BICRAL: variants seen among roughly 807,000 people sequenced by gnomAD.
BICRAL encodes BRD4-interacting chromatin-remodeling complex-associated protein-like.
Under a neutral mutation model 91.8 loss-of-function variants are expected in BICRAL, and 8 were observed. The ratio of observed to expected loss-of-function variants is 0.09; its 90% CI spans 0.05 to 0.16. BICRAL has a LOEUF of 0.16. Ranked by LOEUF, BICRAL falls within the 10% of genes least tolerant of loss-of-function variation. BICRAL has a pLI of 1.00. For missense variants in BICRAL, 1,038 were observed against 1,310.9 expected (o/e 0.79, Z 3.21); for synonymous variants, 445 against 491.1 (o/e 0.91, Z 1.24).
chr6:42,778,572 T>TA (rs1762834778), upstream of BICRAL, among the ~76,000 whole-genome samples: 1 of 152,228 alleles, frequency 6.6e-6, no homozygotes, highest in African/African-American at 2.4e-5. Flanking sequence ...TGCAATGCCC[T>TA]AAGCTCTTTA....
At chr6:42,862,032 C>G (rs925417399) in intron 11 of BICRAL, among the ~76,000 whole-genome samples, 2 of 150,716 alleles carry the variant, frequency 1.3e-5, no homozygotes, top group Non-Finnish European at 3.0e-5. Context: ...ATAATGCCAC[C>G]AAAGTCTGTA....
intron 1 of BICRAL, among the ~76,000 whole-genome samples, chr6:42,799,434 A>G (rs921115788): frequency 4.0e-5 from 6 of 151,688 alleles, no homozygotes; most frequent in African/African-American, 1.5e-4. Flanking sequence ...GGCTGGGACT[A>G]CAGGCACGTG....
intron 1 of BICRAL, among the ~76,000 whole-genome samples, chr6:42,807,917 G>A (rs962562640): frequency 3.3e-5 from 5 of 152,068 alleles, no homozygotes; most frequent in Middle Eastern, 3.2e-3. Flanking sequence ...CTGGGAAATT[G>A]TAAATTTGTA....
rs34979167 is a variant in BICRAL, at chr6:42,811,623, G to GAAAAA, written c.-6+1234_-6+1238dup. Among the ~76,000 whole-genome samples, 31 of 84,806 alleles carry GAAAAA rather than the reference G, an allele frequency of 3.7e-4. No individual in the cohort carries two copies. The East Asian group carries it at 9.5e-3, about 26-fold the overall frequency. 55.6% of individuals were successfully genotyped at this position (84,806 alleles called of 152,430 possible). A position where few individuals can be genotyped will look rare whatever the true frequency, so the allele number is the denominator to read the frequency against. On this transcript the variant is annotated intron_variant, in intron 2 of 12. Transcript: ENST00000314073. ...TGACAGAGCGAGACTCCATCTCAAA[G>GAAAAA]AAAAAAAAAAAAAAAAGCCTACGTT...
At chr6:42,846,982 A>C (rs1176310400) in intron 6 of BICRAL, among the ~76,000 whole-genome samples, 2 of 152,228 alleles carry the variant, frequency 1.3e-5, no homozygotes, top group Non-Finnish European at 2.9e-5. Flanking sequence ...ATTAAATATG[A>C]GTTAGGCTTG....
chr6:42,798,914 A>G (rs1763490990), intron 1 of BICRAL, among the ~76,000 whole-genome samples: 1 of 144,590 alleles, frequency 6.9e-6, no homozygotes, highest in African/African-American at 2.7e-5. Flanking sequence ...TTGTTAGACT[A>G]TATTGTTTTA....
intron 10 of BICRAL, among the ~76,000 whole-genome samples, chr6:42,858,514 T>TA (rs1765454897): frequency 8.1e-6 from 1 of 123,784 alleles, no homozygotes; most frequent in Admixed American, 8.3e-5. Context: ...AGACTCTGTT[T>TA]TAAAAAAAAA....
At chr6:42,771,814 C>T (rs1471801313) in intron 1 of BICRAL, among the ~76,000 whole-genome samples, 1 of 151,624 alleles carries the variant, frequency 6.6e-6, no homozygotes, top group Non-Finnish European at 1.5e-5. Context: ...GCATAGTCTT[C>T]AATAGACTAT....
chr6:42,813,691 T>C (rs972496699), intron 2 of BICRAL, among the ~76,000 whole-genome samples: 5 of 152,048 alleles, frequency 3.3e-5, no homozygotes, highest in African/African-American at 1.2e-4. Flanking sequence ...CAGCTAATTT[T>C]TTTATTTTTT....
intron 10 of BICRAL, among the ~76,000 whole-genome samples, chr6:42,857,802 ATTTTTT>A: frequency 1.4e-5 from 1 of 73,680 alleles, no homozygotes; most frequent in African/African-American, 7.1e-5. Context: ...CATACCCTGA[ATTTTTT>A]TTTTTTTTTT....
At chr6:42,809,817 C>T (rs532184602) in intron 1 of BICRAL, among the ~76,000 whole-genome samples, 1 of 151,156 alleles carries the variant, frequency 6.6e-6, no homozygotes, top group African/African-American at 2.4e-5. Context: ...GACGGAATCT[C>T]CCTCTGTCAC....
intron 5 of BICRAL, among the ~76,000 whole-genome samples, chr6:42,827,053 T>G (rs1286217593): frequency 6.6e-6 from 1 of 152,236 alleles, no homozygotes; most frequent in Non-Finnish European, 1.5e-5. Context: ...CCCAAAGTGC[T>G]GGGATTAATA....
At chr6:42,851,139 C>T (rs1262781554) in intron 6 of BICRAL, among the ~76,000 whole-genome samples, 2 of 151,348 alleles carry the variant, frequency 1.3e-5, no homozygotes, top group Admixed American at 6.6e-5. Context: ...GAGTCGAGAT[C>T]GTGCCACTGC....
At chr6:42,756,219 C>T (rs753567175) in intron 1 of BICRAL, among the ~76,000 whole-genome samples, 5 of 152,164 alleles carry the variant, frequency 3.3e-5, no homozygotes, top group Non-Finnish European at 7.3e-5. Context: ...GTATTTGAAA[C>T]GGAAATTGCC....
intron 1 of BICRAL, among the ~76,000 whole-genome samples, chr6:42,755,969 C>T (rs1479328222): frequency 3.3e-5 from 5 of 151,990 alleles, no homozygotes; most frequent in South Asian, 2.1e-4. Context: ...CCACCGCGCC[C>T]GGCCCAGTCA....
chr6:42,782,208 G>A (rs1762931176), intron 1 of BICRAL, 107 bp downstream of exon 1: 1 of 150,600 alleles, frequency 6.6e-6, no homozygotes, highest in South Asian at 2.0e-4. Context: ...GAGGGGAAAA[G>A]CGAGGGAGGG....
chr6:42,792,550 G>A (rs1324034065), intron 1 of BICRAL, among the ~76,000 whole-genome samples: 1 of 151,858 alleles, frequency 6.6e-6, no homozygotes, highest in East Asian at 1.9e-4. Context: ...TGGGATTACA[G>A]GTGTAAGCCA....
intron 1 of BICRAL, among the ~76,000 whole-genome samples, chr6:42,774,218 A>G (rs892938475): frequency 1.3e-5 from 2 of 152,176 alleles, no homozygotes; most frequent in African/African-American, 4.8e-5. Flanking sequence ...TTAGTTCAGC[A>G]TATCAGGGTG....
chr6:42,748,284 GA>G (rs909722952), intron 1 of BICRAL, among the ~76,000 whole-genome samples: 3 of 151,982 alleles, frequency 2.0e-5, no homozygotes, highest in South Asian at 4.2e-4. Context: ...TATTTTTCTA[GA>G]AAAAAACAAC....
Sources: allele counts gnomAD v4.1 joint callset (sites outside exome capture counted in the v4.1 genomes callset), GRCh38; gene constraint gnomAD v4.1.1; transcripts MANE v1.5; gene names NCBI Gene and HGNC (gene_info 2026-07-23, HGNC 2026-07-21).